Variants in RIN2 observed in about 807,000 individuals in gnomAD.
RIN2 encodes the protein Ras and Rab interactor 2, also known as RAB5 interacting protein 2.
In RIN2, 36 loss-of-function variants were observed where a neutral mutation model predicts 78.0. The ratio of observed to expected loss-of-function variants is 0.46; its 90% CI spans 0.35 to 0.61. RIN2 has a LOEUF of 0.61. RIN2 is among the 20% of genes least tolerant of loss of function. The pLI is 0.00. For synonymous variants in RIN2, 466 were observed against 466.8 expected (o/e 1.00, Z 0.02); for missense variants, 1,087 against 1,159.7 (o/e 0.94, Z 0.91).
Position 20,001,362 on chromosome 20 carries a change from C to CTTTTTTTTTTTTTTTTTTTTTTTTT in RIN2, c.*428_*452dup, listed in dbSNP as rs57852545. 4.2e-5 allele frequency: 4 copies of CTTTTTTTTTTTTTTTTTTTTTTTTT among 94,234 alleles called. No individual in the cohort carries two copies. Among genetic ancestry groups the CTTTTTTTTTTTTTTTTTTTTTTTTT allele is most frequent in the East Asian group, 7.8e-4 (2 of 2,570 alleles). The allele number at this position is 94,234 out of a possible 1,614,324, so 5.8% of individuals were successfully genotyped here. On this transcript the variant is annotated 3_prime_UTR_variant, in exon 13 of 13. Transcript: ENST00000255006. ...CCCTGCCTTCCTTCCTTTCTTTTTC[C>CTTTTTTTTTTTTTTTTTTTTTTTTT]TTTTTTTTTTTTTTTTTTTTTTTTT...
At chr20:19,878,463 A>C (rs962995280) in intron 2 of RIN2, among the ~76,000 whole-genome samples, 1 of 152,172 alleles carries the variant, frequency 6.6e-6, no homozygotes, top group Non-Finnish European at 1.5e-5. Flanking sequence ...CCATGTCCCC[A>C]TGTTCAGGGA....
intron 8 of RIN2, among the ~76,000 whole-genome samples, chr20:19,974,435 A>G (rs1386759404): frequency 6.6e-6 from 1 of 152,150 alleles, no homozygotes; most frequent in African/African-American, 2.4e-5. Context: ...AGGGCTTTGA[A>G]GGTGACAGAC....
chr20:19,796,037 AG>A, intron 1 of RIN2, among the ~76,000 whole-genome samples: 1 of 152,236 alleles, frequency 6.6e-6, no homozygotes, highest in African/African-American at 2.4e-5. Context: ...CTAAAAAAAA[AG>A]AAAGAAGAGA....
chr20:19,996,417 T>G lies in RIN2; in HGVS notation c.2201-262T>G, dbSNP rs538731610. Among the ~76,000 whole-genome samples the G allele has an allele frequency of 2.0e-5, 3 of 152,226 alleles. No homozygotes were observed. In the East Asian group the frequency reaches 5.8e-4, roughly 29 times the overall value. ...ATCCCATCATTGAAAAACAGGAACC[T>G]TGTCAGCCTGGCTTGTCTGTGCCCC... On this transcript the variant is annotated intron_variant, in intron 11 of 12. Transcript: ENST00000255006.
At chr20:19,899,791 T>C (rs759247837) in intron 3 of RIN2, among the ~76,000 whole-genome samples, 3 of 152,218 alleles carry the variant, frequency 2.0e-5, no homozygotes, top group Non-Finnish European at 2.9e-5. Context: ...TTTTATAACC[T>C]ACTCTTGAAT....
At chr20:19,767,736 C>A (rs1046380642) in intron 1 of RIN2, among the ~76,000 whole-genome samples, 1 of 151,850 alleles carries the variant, frequency 6.6e-6, no homozygotes, top group Non-Finnish European at 1.5e-5. Context: ...ACCAGCCTGG[C>A]CAACATGGCG....
intron 2 of RIN2, among the ~76,000 whole-genome samples, chr20:19,883,679 C>A (rs2038094709): frequency 6.6e-6 from 1 of 152,072 alleles, no homozygotes; most frequent in Admixed American, 6.6e-5. Context: ...GAGGAGCCCA[C>A]CTGTTGCCCT....
At chr20:19,966,783 G>A (rs535878937) in intron 7 of RIN2, among the ~76,000 whole-genome samples, 1 of 152,202 alleles carries the variant, frequency 6.6e-6, no homozygotes, top group Admixed American at 6.5e-5. Context: ...AGTACCTGGG[G>A]GCACCTCCCA....
At chr20:19,898,520 T>C (rs1386877056) in intron 3 of RIN2, among the ~76,000 whole-genome samples, 2 of 152,198 alleles carry the variant, frequency 1.3e-5, no homozygotes, top group African/African-American at 2.4e-5. Context: ...GTAAAACTGG[T>C]TCAAAAAATG....
At chr20:19,764,025 T>C (rs1356710963) in intron 1 of RIN2, among the ~76,000 whole-genome samples, 1 of 152,212 alleles carries the variant, frequency 6.6e-6, no homozygotes, top group African/African-American at 2.4e-5. Flanking sequence ...ATTTGAGTCA[T>C]TTCAAAAATC....
intron 4 of RIN2, among the ~76,000 whole-genome samples, chr20:19,946,785 C>A (rs2041111484): frequency 6.7e-6 from 1 of 149,300 alleles, no homozygotes; most frequent in South Asian, 2.1e-4. Flanking sequence ...AATCCCAGCA[C>A]TTTGGGAGGC....
chr20:19,779,670 A>G lies in RIN2; in HGVS notation c.-162-19952A>G, dbSNP rs146164249. ...GATAAGTGTCCCCAGACCCAAGCACAGGAAAAACAAGTATTAATATTTTTC... is the reference window on the plus strand; with the variant it reads ...GATAAGTGTCCCCAGACCCAAGCACGGGAAAAACAAGTATTAATATTTTTC... On this transcript the variant is annotated intron_variant, in intron 1 of 12. Coordinates refer to ENST00000255006, the MANE Select transcript of RIN2 (RefSeq NM_018993.4). Among the ~76,000 whole-genome samples, 291 of 152,360 alleles carry G rather than the reference A, an allele frequency of 1.9e-3. 2 individuals carry two copies. The highest frequency in any genetic ancestry group is 6.7e-3 in the African/African-American group (277 of 41,596).
At chr20:19,819,478 A>G (rs1315852972) in intron 2 of RIN2, among the ~76,000 whole-genome samples, 1 of 152,260 alleles carries the variant, frequency 6.6e-6, no homozygotes, top group African/African-American at 2.4e-5. Flanking sequence ...GTTCATAACA[A>G]GAGGGGACTT....
rs568804796 is a variant in RIN2, at chr20:19,837,160, GC to G, written c.-37+37421del. On this transcript the variant is annotated intron_variant, in intron 2 of 12. Transcript: ENST00000255006. ...TAAGTAACACTGAACATCACACACC[GC>G]CCCCCCCAACACACACACACACACA... Among the ~76,000 whole-genome samples the G allele has an allele frequency of 3.6e-3, 441 of 122,338 alleles. 1 individual carries two copies. Among genetic ancestry groups the G allele is most frequent in the African/African-American group, 0.011 (342 of 29,820 alleles). The allele number at this position is 122,338 out of a possible 152,430, so 80.3% of individuals were successfully genotyped here.
At chr20:19,790,026 G>T (rs1474999455) in intron 1 of RIN2, among the ~76,000 whole-genome samples, 1 of 151,980 alleles carries the variant, frequency 6.6e-6, no homozygotes, top group African/African-American at 2.4e-5. Flanking sequence ...TTCTTGACGG[G>T]CCCTAATTTT....
chr20:19,963,534 G>A (rs1371587233), intron 6 of RIN2, among the ~76,000 whole-genome samples: 1 of 151,572 alleles, frequency 6.6e-6, no homozygotes, highest in Non-Finnish European at 1.5e-5. Context: ...GCTTGAACCC[G>A]GGAGATGGAG....
At chr20:19,844,710 T>TTCCTCTTCC (rs2036723922) in intron 2 of RIN2, among the ~76,000 whole-genome samples, 1 of 43,284 alleles carries the variant, frequency 2.3e-5, no homozygotes, top group African/African-American at 1.3e-4. Flanking sequence ...CTTCTTCTTC[T>TTCCTCTTCC]TCTTCTTCTT....
intron 2 of RIN2, among the ~76,000 whole-genome samples, chr20:19,810,440 A>C (rs1434308601): frequency 6.6e-6 from 1 of 151,934 alleles, no homozygotes; most frequent in African/African-American, 2.4e-5. Flanking sequence ...CAAGAGTACC[A>C]TGGGCTGCCA....
chr20:19,945,210 G>A (rs2041040643), intron 4 of RIN2, among the ~76,000 whole-genome samples: 1 of 152,232 alleles, frequency 6.6e-6, no homozygotes, highest in Non-Finnish European at 1.5e-5. Context: ...GTCTGACTTG[G>A]AGTCCTCTTT....
Sources: allele counts gnomAD v4.1 joint callset (sites outside exome capture counted in the v4.1 genomes callset), GRCh38; gene constraint gnomAD v4.1.1; transcripts MANE v1.5; gene names NCBI Gene and HGNC (gene_info 2026-07-23, HGNC 2026-07-21).